The following AMPH variants were observed in gnomAD, a reference collection of about 807,000 sequenced individuals.
AMPH encodes amphiphysin, also known as amphiphysin (Stiff-Mann syndrome with breast cancer 128kD autoantigen).
In AMPH, 49 loss-of-function variants were observed where a neutral mutation model predicts 99.1. The observed-to-expected ratio is 0.49, with a 90% CI of 0.39 to 0.63. AMPH has a LOEUF of 0.63. Ranked by LOEUF, AMPH falls within the 20% of genes least tolerant of loss-of-function variation. The probability of loss-of-function intolerance (pLI) is 0.00; values close to 1 mark genes in which losing one functional copy is unlikely to be tolerated. For missense variants in AMPH, 759 were observed against 863.4 expected, an observed-to-expected ratio of 0.88 and a Z score of 1.52; for synonymous variants, 314 against 317.3, an observed-to-expected ratio of 0.99 and a Z score of 0.11.
intron 3 of AMPH, among the ~76,000 whole-genome samples, chr7:38,496,615 G>GGATGC (rs1788942983): frequency 6.6e-6 from 1 of 152,130 alleles, no homozygotes; most frequent in Admixed American, 6.5e-5. Flanking sequence ...AAGCAAGGGG[G>GGATGC]GATGCGTTCT....
intron 9 of AMPH, chr7:38,464,083 A>G (rs1434985557): frequency 7.8e-7 from 1 of 1,289,596 alleles, no homozygotes; most frequent in Non-Finnish European, 1.0e-6. Context: ...CACTGAGCTC[A>G]CTCACCACCT....
At chr7:38,433,473 C>A (rs1045802305) in intron 12 of AMPH, among the ~76,000 whole-genome samples, 9 of 152,006 alleles carry the variant, frequency 5.9e-5, no homozygotes, top group African/African-American at 1.9e-4. Flanking sequence ...CGCCTGTAAT[C>A]CCAGCACTTT....
In AMPH at chr7:38,384,048, C is replaced by T. The variant is rs972452701; in HGVS notation, c.*770G>A. 3 of 152,486 alleles carry T rather than the reference C, an allele frequency of 2.0e-5. No individual in the cohort carries two copies. Among genetic ancestry groups the T allele is most frequent in the East Asian group, 3.9e-4 (2 of 5,182 alleles). The allele number at this position is 152,486 out of a possible 1,614,324, so 9.4% of individuals were successfully genotyped here. A position where few individuals can be genotyped will look rare whatever the true frequency, so the allele number is the denominator to read the frequency against. ...TTCTCTGAGGGTGCCTCAGTGTAGTCGTGCTATCTGTCATCTCATCCTGAA... is the reference window on the plus strand; with the variant it reads ...TTCTCTGAGGGTGCCTCAGTGTAGTTGTGCTATCTGTCATCTCATCCTGAA... On this transcript the variant is annotated 3_prime_UTR_variant, in exon 21 of 21. Coordinates refer to ENST00000356264, the MANE Select transcript of AMPH (RefSeq NM_001635.4).
chr7:38,540,441 A>T (rs1267110225), intron 1 of AMPH, among the ~76,000 whole-genome samples: 2 of 152,066 alleles, frequency 1.3e-5, no homozygotes, highest in Admixed American at 6.6e-5. Context: ...AGACATCATG[A>T]CATAGGCAAG....
intron 15 of AMPH, among the ~76,000 whole-genome samples, chr7:38,425,486 A>C (rs1785751021): frequency 1.3e-5 from 2 of 152,224 alleles, no homozygotes; most frequent in Non-Finnish European, 2.9e-5. Context: ...TTTTTTTATA[A>C]TTACCACAAA....
chr7:38,509,057 G>A (rs1022350399), intron 2 of AMPH, among the ~76,000 whole-genome samples: 9 of 152,098 alleles, frequency 5.9e-5, no homozygotes, highest in Admixed American at 2.0e-4. Flanking sequence ...ATGTAAAAGC[G>A]CCCAGGGTCT....
At chr7:38,608,416 G>A (rs1221745032) in intron 1 of AMPH, among the ~76,000 whole-genome samples, 2 of 152,096 alleles carry the variant, frequency 1.3e-5, no homozygotes, top group Non-Finnish European at 2.9e-5. Flanking sequence ...GCCTGGCAAG[G>A]TATCTCTCCT....
intron 1 of AMPH, among the ~76,000 whole-genome samples, chr7:38,567,947 T>C (rs942459423): frequency 3.3e-5 from 5 of 152,132 alleles, no homozygotes; most frequent in Admixed American, 3.3e-4. Flanking sequence ...AAAATATTTA[T>C]ATATTCTATT....
At chr7:38,621,670 T>G (rs1446179635) in intron 1 of AMPH, among the ~76,000 whole-genome samples, 1 of 152,208 alleles carries the variant, frequency 6.6e-6, no homozygotes, top group Non-Finnish European at 1.5e-5. Flanking sequence ...TTCCCATTTA[T>G]GAACTCAGCT....
At chr7:38,499,005 C>A (rs563686390) in intron 3 of AMPH, among the ~76,000 whole-genome samples, 5 of 152,094 alleles carry the variant, frequency 3.3e-5, no homozygotes, top group Non-Finnish European at 7.4e-5. Flanking sequence ...TCTAGAAAAC[C>A]TAATGACTTG....
At chr7:38,552,158 C>A (rs1014509872) in intron 1 of AMPH, among the ~76,000 whole-genome samples, 1 of 152,182 alleles carries the variant, frequency 6.6e-6, no homozygotes, top group Non-Finnish European at 1.5e-5. Context: ...TCTTTTCTGA[C>A]AAGAGAACCC....
chr7:38,505,724 A>G (rs1789300599), intron 2 of AMPH, among the ~76,000 whole-genome samples: 1 of 152,212 alleles, frequency 6.6e-6, no homozygotes, highest in East Asian at 1.9e-4. Flanking sequence ...GCAGTCGATG[A>G]AGAGGACCCA....
At chr7:38,486,026 T>C (rs1388453032) in intron 5 of AMPH, among the ~76,000 whole-genome samples, 4 of 151,454 alleles carry the variant, frequency 2.6e-5, no homozygotes, top group Non-Finnish European at 4.4e-5. Flanking sequence ...ACAACCTAAC[T>C]CTACATCTCA....
intron 2 of AMPH, chr7:38,530,895 T>A (rs1790373784): frequency 6.6e-6 from 1 of 152,226 alleles, no homozygotes. Context: ...ATTTCTAAAA[T>A]CCTTGCTCTC....
intron 1 of AMPH, among the ~76,000 whole-genome samples, chr7:38,579,251 G>C (rs1037971644): frequency 6.6e-6 from 1 of 152,170 alleles, no homozygotes; most frequent in African/African-American, 2.4e-5. Flanking sequence ...TTGACAAGGG[G>C]AGAGACCAAA....
intron 1 of AMPH, among the ~76,000 whole-genome samples, chr7:38,628,931 T>C (rs965243848): frequency 6.6e-6 from 1 of 152,216 alleles, no homozygotes; most frequent in African/African-American, 2.4e-5. Context: ...AGTTGGAGCC[T>C]AAACATATGC....
At position 38,404,306 on chromosome 7, in the gene AMPH, G is replaced by A. The variant is rs75287017; in HGVS notation, c.1399-10092C>T. ...TCATCATCCAGCTACCCAAGGGTAAGCCAGCTGTCATCCTTAAGTGCCACC... is the reference window on the plus strand; with the variant it reads ...TCATCATCCAGCTACCCAAGGGTAAACCAGCTGTCATCCTTAAGTGCCACC... On this transcript the variant is annotated intron_variant, in intron 17 of 20. Coordinates refer to ENST00000356264, the MANE Select transcript of AMPH (RefSeq NM_001635.4). 6.2e-4 allele frequency among the ~76,000 whole-genome samples: 94 copies of A among 152,148 alleles called. 2 individuals are homozygous for A. The East Asian group carries it at 0.017, about 27-fold the overall frequency.
intron 11 of AMPH, among the ~76,000 whole-genome samples, chr7:38,457,378 A>C (rs1320979078): frequency 6.6e-6 from 1 of 152,254 alleles, no homozygotes; most frequent in Non-Finnish European, 1.5e-5. Flanking sequence ...AGAAACAAAT[A>C]GAAATTCTGG....
intron 11 of AMPH, among the ~76,000 whole-genome samples, chr7:38,446,322 G>A (rs1412029518): frequency 2.0e-5 from 3 of 152,166 alleles, no homozygotes; most frequent in Admixed American, 6.5e-5. Context: ...ATTCGCCCAA[G>A]AGAAATGAAA....
Sources: gnomAD v4.1 joint callset for allele counts (sites outside exome capture counted in the v4.1 genomes callset) on GRCh38, gnomAD v4.1.1 for gene constraint, MANE v1.5 for transcripts, NCBI Gene and HGNC (gene_info 2026-07-23, HGNC 2026-07-21) for gene names.